The following PABPC4L variants were observed in gnomAD, a reference collection of about 807,000 sequenced individuals.
PABPC4L encodes the protein polyadenylate-binding protein 4-like.
For synonymous variants in PABPC4L, 169 were observed against 164.1 expected, an observed-to-expected ratio of 1.03 and a Z score of -0.23; for missense variants, 452 against 451.4, an observed-to-expected ratio of 1.00 and a Z score of -0.01.
chr4:133,951,691 G>A, the PABPC4L span, among the ~76,000 whole-genome samples: 1 of 152,130 alleles, frequency 6.6e-6, no homozygotes, highest in Non-Finnish European at 1.5e-5. Context: ...AGCCAGGACT[G>A]GGGTTGGGAT....
the PABPC4L span, among the ~76,000 whole-genome samples, chr4:133,994,435 C>A: frequency 6.6e-6 from 1 of 152,124 alleles, no homozygotes; most frequent in South Asian, 2.1e-4. Flanking sequence ...TGGGCATAGG[C>A]ACAATTAGAG....
At chr4:134,143,856 T>C in the PABPC4L span, among the ~76,000 whole-genome samples, 19 of 151,584 alleles carry the variant, frequency 1.3e-4, no homozygotes, top group African/African-American at 4.6e-4. Flanking sequence ...TCTCTGTTTT[T>C]TACCACTATG....
At chr4:134,069,494 A>T in the PABPC4L span, among the ~76,000 whole-genome samples, 7 of 152,076 alleles carry the variant, frequency 4.6e-5, no homozygotes, top group African/African-American at 1.7e-4. Flanking sequence ...ATAATCCCAT[A>T]TTTTTGGAGA....
chr4:134,087,098 A>G, the PABPC4L span, among the ~76,000 whole-genome samples: 1 of 152,058 alleles, frequency 6.6e-6, no homozygotes, highest in East Asian at 1.9e-4. Flanking sequence ...CCAAAGGACT[A>G]TAAATCATGC....
the PABPC4L span, among the ~76,000 whole-genome samples, chr4:133,985,368 C>G: frequency 6.6e-6 from 1 of 151,916 alleles, no homozygotes; most frequent in African/African-American, 2.4e-5. Flanking sequence ...GCTTCATATT[C>G]AATCAGATAT....
At chr4:134,054,090 A>G in the PABPC4L span, among the ~76,000 whole-genome samples, 1 of 151,544 alleles carries the variant, frequency 6.6e-6, no homozygotes, top group African/African-American at 2.4e-5. Context: ...TTAATACTAG[A>G]CAAATAATAA....
At chr4:134,142,005 TACAC>T in the PABPC4L span, among the ~76,000 whole-genome samples, 1 of 151,666 alleles carries the variant, frequency 6.6e-6, no homozygotes, top group African/African-American at 2.4e-5. Context: ...AAGCAAAAGA[TACAC>T]AATATGGATT....
chr4:134,121,317 G>A, the PABPC4L span, among the ~76,000 whole-genome samples: 618 of 151,194 alleles, frequency 4.1e-3, 4 homozygotes, highest in Non-Finnish European at 6.6e-3. Flanking sequence ...TAAATTTTCA[G>A]TTTATGTCTT....
At chr4:134,055,648 G>A in the PABPC4L span, among the ~76,000 whole-genome samples, 1 of 130,530 alleles carries the variant, frequency 7.7e-6, no homozygotes, top group African/African-American at 2.7e-5. Context: ...TTTTTTTTTG[G>A]CAATTTTCTA....
chr4:134,058,047 T>A, the PABPC4L span, among the ~76,000 whole-genome samples: 5 of 151,992 alleles, frequency 3.3e-5, no homozygotes, highest in Non-Finnish European at 5.9e-5. Context: ...ATGAAAAATA[T>A]TAGGATCTAA....
the PABPC4L span, among the ~76,000 whole-genome samples, chr4:134,088,170 A>T: frequency 2.6e-5 from 4 of 151,964 alleles, no homozygotes; most frequent in South Asian, 8.3e-4. Context: ...TAAAAATTAG[A>T]ATATTCTGGG....
At chr4:134,179,589 T>C in the PABPC4L span, among the ~76,000 whole-genome samples, 10 of 152,068 alleles carry the variant, frequency 6.6e-5, no homozygotes, top group African/African-American at 1.9e-4. Context: ...AGGCAAAGAG[T>C]GGCAAGCTGG....
At chr4:134,137,188 G>C in the PABPC4L span, among the ~76,000 whole-genome samples, 1 of 151,864 alleles carries the variant, frequency 6.6e-6, no homozygotes, top group Non-Finnish European at 1.5e-5. Context: ...GTTTTCCCCA[G>C]TATACAGACA....
chr4:134,041,429 G>A, the PABPC4L span, among the ~76,000 whole-genome samples: 1 of 152,028 alleles, frequency 6.6e-6, no homozygotes, highest in African/African-American at 2.4e-5. Context: ...CCTTTGCAGG[G>A]ACATGGATGA....
At chr4:134,065,268 A>T in the PABPC4L span, among the ~76,000 whole-genome samples, 10 of 152,024 alleles carry the variant, frequency 6.6e-5, no homozygotes, top group African/African-American at 2.4e-4. Flanking sequence ...TTAATTTGTG[A>T]ATTTTTAGTA....
At chr4:134,085,540 G>T in the PABPC4L span, among the ~76,000 whole-genome samples, 241 of 151,968 alleles carry the variant, frequency 1.6e-3, 1 homozygote, top group African/African-American at 5.5e-3. Flanking sequence ...ACAAAATCAA[G>T]AACTACTGTA....
chr4:134,055,624 C>CCCGTGGTT, the PABPC4L span, among the ~76,000 whole-genome samples: 1 of 145,770 alleles, frequency 6.9e-6, no homozygotes, highest in African/African-American at 2.5e-5. Flanking sequence ...TGAAATGTTC[C>CCCGTGGTT]CCGTGGTTTT....
At chr4:134,030,705 G>A in the PABPC4L span, among the ~76,000 whole-genome samples, 27 of 151,830 alleles carry the variant, frequency 1.8e-4, no homozygotes, top group Non-Finnish European at 2.7e-4. Flanking sequence ...TTCTTCCTAC[G>A]TATTCTCAGT....
the PABPC4L span, among the ~76,000 whole-genome samples, chr4:134,044,580 A>C: frequency 6.6e-6 from 1 of 152,118 alleles, no homozygotes; most frequent in Non-Finnish European, 1.5e-5. Flanking sequence ...CTTATATTAT[A>C]ATGAGCTTCA....
Sources: gnomAD v4.1 joint callset for allele counts (sites outside exome capture counted in the v4.1 genomes callset) on GRCh38, gnomAD v4.1.1 for gene constraint, MANE v1.5 for transcripts, NCBI Gene and HGNC (gene_info 2026-07-23, HGNC 2026-07-21) for gene names.